CAMTA1: variants seen among roughly 807,000 people sequenced by gnomAD.
CAMTA1 encodes the protein calmodulin-binding transcription activator 1.
Under a neutral mutation model 170.9 loss-of-function variants are expected in CAMTA1, and 27 were observed. The ratio of observed to expected loss-of-function variants is 0.16; its 90% confidence interval spans 0.12 to 0.22. The LOEUF is 0.22. Ranked by LOEUF, CAMTA1 falls within the 10% of genes least tolerant of loss-of-function variation. The pLI is 1.00. For synonymous variants in CAMTA1, 833 were observed against 891.5 expected (o/e 0.93, Z 1.17); for missense variants, 1,619 against 2,217.2 (o/e 0.73, Z 5.42).
chr1:7,232,237 A>G (rs1411787442), intron 4 of CAMTA1, among the ~76,000 whole-genome samples: 1 of 15,262 alleles, frequency 6.6e-5, no homozygotes, highest in East Asian at 2.3e-3. Context: ...TCCCAGTCTC[A>G]GTGGCTGAGC....
chr1:7,594,864 C>CA (rs1240162608), intron 6 of CAMTA1, among the ~76,000 whole-genome samples: 1 of 152,182 alleles, frequency 6.6e-6, no homozygotes, highest in Non-Finnish European at 1.5e-5. Context: ...GGTCATATTG[C>CA]AGTCGAGGTG....
At chr1:7,100,655 C>T (rs149436353) in intron 4 of CAMTA1, among the ~76,000 whole-genome samples, 31 of 152,324 alleles carry the variant, frequency 2.0e-4, no homozygotes, top group African/African-American at 7.0e-4. Context: ...GCCCCAGGTG[C>T]GCAGCCCGAC....
chr1:7,293,987 T>C lies in CAMTA1; in HGVS notation c.438+44361T>C, dbSNP rs1673549556. On this transcript the variant is annotated intron_variant, in intron 5 of 22. Transcript: ENST00000303635. This position sits in a 1 kb window ranked among gnomAD's most constrained non-coding sequence, Gnocchi z 4.1. ...TGCAAAGATATCATCGGCAGGCATTTTCCCAGGGGAAGCACAGTTGTGTCC... is the reference window on the plus strand; with the variant it reads ...TGCAAAGATATCATCGGCAGGCATTCTCCCAGGGGAAGCACAGTTGTGTCC... Among the ~76,000 whole-genome samples the C allele has an allele frequency of 6.6e-6, 1 of 152,250 alleles. No homozygotes were observed. The highest frequency in any genetic ancestry group is 2.4e-5 in the African/African-American group (1 of 41,468).
intron 5 of CAMTA1, among the ~76,000 whole-genome samples, chr1:7,377,224 G>A (rs566471887): frequency 6.5e-4 from 99 of 152,264 alleles, no homozygotes; most frequent in Non-Finnish European, 9.3e-4. Flanking sequence ...CTTAAAAAGC[G>A]CAAGGCACTG....
intron 3 of CAMTA1, among the ~76,000 whole-genome samples, chr1:7,086,068 A>C (rs1640699558): frequency 6.6e-6 from 1 of 152,118 alleles, no homozygotes; most frequent in African/African-American, 2.4e-5. Context: ...GGACCCTGCC[A>C]GTTTGTTCTC....
At chr1:7,316,608 G>A (rs530131614) in intron 5 of CAMTA1, among the ~76,000 whole-genome samples, 14 of 152,188 alleles carry the variant, frequency 9.2e-5, no homozygotes, top group African/African-American at 3.1e-4. Context: ...TAACAATTCT[G>A]TTCGTTCATT....
intron 3 of CAMTA1, among the ~76,000 whole-genome samples, chr1:6,932,341 G>T (rs1047780566): frequency 1.3e-5 from 2 of 152,200 alleles, no homozygotes. Context: ...TCCATGTTGT[G>T]TGTATCAGTA....
At chr1:6,866,395 G>A (rs1666581891) in intron 3 of CAMTA1, among the ~76,000 whole-genome samples, 1 of 152,210 alleles carries the variant, frequency 6.6e-6, no homozygotes. Flanking sequence ...CAGGAAGCCA[G>A]TGGAAAGATG....
chr1:7,257,950 A>T (rs777517557), intron 5 of CAMTA1, among the ~76,000 whole-genome samples: 18 of 152,188 alleles, frequency 1.2e-4, no homozygotes, highest in Non-Finnish European at 2.2e-4. Context: ...AAAAGGCAGG[A>T]AGGACACTGG....
At chr1:6,793,612 A>G (rs1641734832) in intron 1 of CAMTA1, among the ~76,000 whole-genome samples, 1 of 152,154 alleles carries the variant, frequency 6.6e-6, no homozygotes, top group African/African-American at 2.4e-5. Context: ...TCAGATGTTT[A>G]AGTTCACTTA....
intron 11 of CAMTA1, among the ~76,000 whole-genome samples, chr1:7,712,326 A>T (rs759046950): frequency 5.5e-5 from 8 of 146,676 alleles, no homozygotes; most frequent in African/African-American, 1.5e-4. Context: ...TATAATTACT[A>T]TTTTTTTTTT....
intron 22 of CAMTA1, among the ~76,000 whole-genome samples, chr1:7,763,705 C>G (rs1341282287): frequency 3.3e-5 from 5 of 152,206 alleles, no homozygotes; most frequent in African/African-American, 1.2e-4. Flanking sequence ...ACATTTCTGG[C>G]TTATAATTCA....
chr1:7,071,778 A>G (rs1638681215), intron 3 of CAMTA1, among the ~76,000 whole-genome samples: 1 of 152,222 alleles, frequency 6.6e-6, no homozygotes, highest in Non-Finnish European at 1.5e-5. Flanking sequence ...TAAAAGTGGA[A>G]ATGCCTGGGA....
chr1:6,952,158 C>T (rs140857275), intron 3 of CAMTA1, among the ~76,000 whole-genome samples: 73 of 152,268 alleles, frequency 4.8e-4, no homozygotes, highest in Non-Finnish European at 6.0e-4. Flanking sequence ...AGGCCGGGCA[C>T]GGTGGCTCAC....
chr1:7,017,829 C>T lies in CAMTA1; in HGVS notation c.235-73475C>T, dbSNP rs184938251. Among the ~76,000 whole-genome samples the T allele has an allele frequency of 3.3e-5, 5 of 152,316 alleles. No homozygotes were observed. In the East Asian group the frequency reaches 9.7e-4, roughly 29 times the overall value. ...CATACACGGTTCACGTTGCCCCCAG[C>T]AGAAGTGGAGAGTAAGGGGCTCACT... On this transcript the variant is annotated intron_variant, in intron 3 of 22. Coordinates refer to ENST00000303635, the MANE Select transcript of CAMTA1 (RefSeq NM_015215.4).
intron 3 of CAMTA1, among the ~76,000 whole-genome samples, chr1:6,884,476 T>C (rs1389907435): frequency 2.0e-5 from 3 of 152,152 alleles, no homozygotes; most frequent in Non-Finnish European, 2.9e-5. Context: ...GCAGCATACA[T>C]GTTACTTTTC....
intron 5 of CAMTA1, among the ~76,000 whole-genome samples, chr1:7,439,438 C>T (rs887213631): frequency 5.9e-5 from 9 of 152,184 alleles, no homozygotes; most frequent in Admixed American, 1.3e-4. Flanking sequence ...GCACGTCTCC[C>T]GGTCCAGCCC....
At chr1:7,087,009 G>A (rs540913190) in intron 3 of CAMTA1, among the ~76,000 whole-genome samples, 2 of 152,332 alleles carry the variant, frequency 1.3e-5, no homozygotes, top group African/African-American at 4.8e-5. Context: ...ATGCACGCCC[G>A]GAGAGTGAGG....
chr1:7,348,124 C>T (rs950574471), intron 5 of CAMTA1, among the ~76,000 whole-genome samples: 1 of 152,170 alleles, frequency 6.6e-6, no homozygotes, highest in Non-Finnish European at 1.5e-5. Flanking sequence ...TCTGCCTCCA[C>T]TCTGCATGCC....
Sources: allele counts gnomAD v4.1 joint callset (sites outside exome capture counted in the v4.1 genomes callset), GRCh38; gene constraint gnomAD v4.1.1; non-coding constraint Gnocchi (gnomAD v3.1); transcripts MANE v1.5; gene names NCBI Gene and HGNC (gene_info 2026-07-23, HGNC 2026-07-21).